ERC2: variants seen among roughly 807,000 people sequenced by gnomAD.
ERC2 encodes ERC protein 2.
A neutral mutation model predicts 114.8 loss-of-function variants in ERC2; 42 were observed. That is an observed-to-expected ratio of 0.37 (90% CI 0.29 to 0.47). The LOEUF (loss-of-function observed/expected upper bound fraction) is 0.47, where lower values mean the gene tolerates loss of function less well. Ranked by LOEUF, ERC2 falls within the 20% of genes least tolerant of loss-of-function variation. The pLI is 0.99. For missense variants in ERC2, 939 were observed against 1,150.7 expected (o/e 0.82, Z 2.66); for synonymous variants, 454 against 425.5 (o/e 1.07, Z -0.82).
At chr3:56,138,712 G>A (rs1349162289) in intron 6 of ERC2, among the ~76,000 whole-genome samples, 1 of 152,176 alleles carries the variant, frequency 6.6e-6, no homozygotes, top group African/African-American at 2.4e-5. Context: ...ACACAGCACA[G>A]TGCCTCAACA....
intron 14 of ERC2, among the ~76,000 whole-genome samples, chr3:55,856,848 C>T (rs1441395714): frequency 1.3e-5 from 2 of 152,090 alleles, no homozygotes; most frequent in Non-Finnish European, 2.9e-5. Context: ...AGAAATGAAG[C>T]ATTAATACAT....
chr3:56,310,711 C>T (rs978392421), intron 2 of ERC2, among the ~76,000 whole-genome samples: 2 of 152,104 alleles, frequency 1.3e-5, no homozygotes, highest in Non-Finnish European at 2.9e-5. Flanking sequence ...TAACAGACCT[C>T]CATGCTACTC....
At chr3:55,634,572 A>C (rs548797219) in intron 17 of ERC2, among the ~76,000 whole-genome samples, 1 of 152,374 alleles carries the variant, frequency 6.6e-6, no homozygotes, top group South Asian at 2.1e-4. Flanking sequence ...AAGCCTAATC[A>C]GTTCATACGA....
chr3:56,168,767 C>T (rs1393543209), intron 4 of ERC2, among the ~76,000 whole-genome samples: 1 of 152,208 alleles, frequency 6.6e-6, no homozygotes, highest in Non-Finnish European at 1.5e-5. Flanking sequence ...TGCAGGTCAG[C>T]TCCATGCAGA....
chr3:55,655,397 A>G (rs111235862), intron 17 of ERC2, among the ~76,000 whole-genome samples: 37 of 152,338 alleles, frequency 2.4e-4, no homozygotes, highest in African/African-American at 8.9e-4. Flanking sequence ...AAATTAGAGG[A>G]GCCCCAAGAT....
At chr3:55,597,233 A>C (rs1462343359) in intron 17 of ERC2, among the ~76,000 whole-genome samples, 1 of 152,122 alleles carries the variant, frequency 6.6e-6, no homozygotes, top group Non-Finnish European at 1.5e-5. Context: ...ATCCTGACTA[A>C]CATGGTGAAA....
chr3:55,862,221 G>T (rs1158827830), intron 14 of ERC2, among the ~76,000 whole-genome samples: 1 of 151,356 alleles, frequency 6.6e-6, no homozygotes, highest in Non-Finnish European at 1.5e-5. Flanking sequence ...CATTTTTTTT[G>T]GTCAGAGTGG....
At chr3:55,743,547 A>G (rs2066104798) in intron 14 of ERC2, among the ~76,000 whole-genome samples, 1 of 139,072 alleles carries the variant, frequency 7.2e-6, no homozygotes, top group Non-Finnish European at 1.5e-5. Flanking sequence ...AGGTCTTGGC[A>G]GTGGACATGT....
chr3:55,550,899 C>A (rs1373739088), intron 17 of ERC2, among the ~76,000 whole-genome samples: 1 of 151,570 alleles, frequency 6.6e-6, no homozygotes, highest in African/African-American at 2.4e-5. Flanking sequence ...GCCTGTAGTC[C>A]CAGCTACTCG....
intron 7 of ERC2, among the ~76,000 whole-genome samples, chr3:56,038,181 C>T (rs1412059437): frequency 6.6e-6 from 1 of 152,070 alleles, no homozygotes; most frequent in East Asian, 1.9e-4. Flanking sequence ...GCAATCTATC[C>T]ATATGGCAAA....
intron 17 of ERC2, among the ~76,000 whole-genome samples, chr3:55,648,129 C>G (rs17055649): frequency 0.013 from 1,946 of 152,340 alleles, 48 homozygotes; most frequent in African/African-American, 0.044. Context: ...TTCGTTCATT[C>G]CCTCACTCGT....
chr3:55,554,736 C>A (rs1028283662), intron 17 of ERC2, among the ~76,000 whole-genome samples: 12 of 152,232 alleles, frequency 7.9e-5, no homozygotes, highest in South Asian at 4.1e-4. Context: ...CCCCTCCCCC[C>A]TTCCCCGTGC....
At chr3:55,611,727 T>C (rs1278263877) in intron 17 of ERC2, among the ~76,000 whole-genome samples, 1 of 152,138 alleles carries the variant, frequency 6.6e-6, no homozygotes, top group African/African-American at 2.4e-5. Context: ...TGTGACTGCC[T>C]AGGGAGCAAC....
intron 11 of ERC2, among the ~76,000 whole-genome samples, chr3:55,987,385 G>A (rs2070719892): frequency 6.6e-6 from 1 of 152,070 alleles, no homozygotes. Context: ...CTCTTTCAAG[G>A]GCTCCCAGTT....
intron 3 of ERC2, among the ~76,000 whole-genome samples, chr3:56,223,414 A>C (rs1181049996): frequency 6.6e-6 from 1 of 152,184 alleles, no homozygotes; most frequent in East Asian, 1.9e-4. Context: ...TGGCACATAA[A>C]TTGAAGGCAA....
At chr3:55,892,462 G>A (rs1433418391) in intron 13 of ERC2, among the ~76,000 whole-genome samples, 1 of 152,170 alleles carries the variant, frequency 6.6e-6, no homozygotes, top group Non-Finnish European at 1.5e-5. Context: ...AGCCAAAACT[G>A]TAATGAGCTG....
At chr3:55,722,869 A>G (rs2064665894) in intron 15 of ERC2, among the ~76,000 whole-genome samples, 1 of 152,202 alleles carries the variant, frequency 6.6e-6, no homozygotes, top group African/African-American at 2.4e-5. Flanking sequence ...GTTGACATTT[A>G]TTTAAATATT....
intron 17 of ERC2, among the ~76,000 whole-genome samples, chr3:55,625,808 T>C (rs1421140897): frequency 1.3e-5 from 2 of 152,198 alleles, no homozygotes; most frequent in Non-Finnish European, 2.9e-5. Flanking sequence ...AGTGATTACC[T>C]GCCCATTTTA....
At chr3:55,872,629 T>C (rs1364165585) in intron 14 of ERC2, among the ~76,000 whole-genome samples, 1 of 152,166 alleles carries the variant, frequency 6.6e-6, no homozygotes, top group Non-Finnish European at 1.5e-5. Flanking sequence ...TGCATAGAAC[T>C]GAAAAGGTTT....
Sources: gnomAD v4.1 joint callset for allele counts (sites outside exome capture counted in the v4.1 genomes callset) on GRCh38, gnomAD v4.1.1 for gene constraint, MANE v1.5 for transcripts, NCBI Gene and HGNC (gene_info 2026-07-23, HGNC 2026-07-21) for gene names.